The following GRK3 variants were observed in gnomAD, a reference collection of about 807,000 sequenced individuals.
GRK3 encodes adrenergic, beta, receptor kinase 2.
Under a neutral mutation model 95.7 loss-of-function variants are expected in GRK3, and 54 were observed. The observed-to-expected ratio is 0.56, with a 90% CI of 0.45 to 0.71. The LOEUF (loss-of-function observed/expected upper bound fraction) is 0.71. Among genes scored for constraint, GRK3 ranks in the 30% least tolerant of loss-of-function variants. The probability of loss-of-function intolerance (pLI) is 0.00; values close to 1 mark genes in which losing one functional copy is unlikely to be tolerated. For missense variants in GRK3, 649 were observed against 851.2 expected (o/e 0.76, Z 2.96); for synonymous variants, 281 against 290.8 (o/e 0.97, Z 0.34).
intron 2 of GRK3, among the ~76,000 whole-genome samples, chr22:25,633,162 C>A (rs2084676213): frequency 6.6e-6 from 1 of 152,078 alleles, no homozygotes; most frequent in African/African-American, 2.4e-5. Flanking sequence ...AGTGATCCAC[C>A]CGCCTCGGCC....
chr22:25,699,358 G>C (rs2085237715), intron 13 of GRK3, among the ~76,000 whole-genome samples: 1 of 152,120 alleles, frequency 6.6e-6, no homozygotes, highest in South Asian at 2.1e-4. Context: ...CTTGGGCACA[G>C]TCCCCTCTGC....
chr22:25,666,947 G>A (rs187511984), intron 5 of GRK3, among the ~76,000 whole-genome samples: 3 of 152,274 alleles, frequency 2.0e-5, no homozygotes, highest in African/African-American at 7.2e-5. Context: ...GAAAAGGAAA[G>A]CTGATGCTGT....
At chr22:25,716,407 C>G (rs2085385486) in intron 18 of GRK3, among the ~76,000 whole-genome samples, 1 of 152,154 alleles carries the variant, frequency 6.6e-6, no homozygotes, top group African/African-American at 2.4e-5. Flanking sequence ...CATGGTGTCA[C>G]TAGAATCCTG....
At chr22:25,705,283 C>A (rs1022130367) in intron 15 of GRK3, among the ~76,000 whole-genome samples, 6 of 152,132 alleles carry the variant, frequency 3.9e-5, no homozygotes, top group Non-Finnish European at 7.3e-5. Flanking sequence ...CTTTAAATTC[C>A]ATGCTTAACC....
At chr22:25,679,433 G>C (rs1371679529) in intron 9 of GRK3, among the ~76,000 whole-genome samples, 1 of 152,054 alleles carries the variant, frequency 6.6e-6, no homozygotes, top group Non-Finnish European at 1.5e-5. Context: ...TCCATTTCTA[G>C]CACCATATTT....
At chr22:25,670,752 T>C (rs1601515160) in intron 6 of GRK3, among the ~76,000 whole-genome samples, 1 of 151,768 alleles carries the variant, frequency 6.6e-6, no homozygotes. Context: ...CTTTTGAAAA[T>C]AGTTTAAAAA....
intron 15 of GRK3, among the ~76,000 whole-genome samples, chr22:25,708,278 G>T (rs529660083): frequency 1.3e-5 from 2 of 152,226 alleles, no homozygotes; most frequent in East Asian, 3.9e-4. Context: ...AGGATGGGAG[G>T]TGGTAGGAAG....
chr22:25,595,520 A>G (rs537821954), intron 1 of GRK3, among the ~76,000 whole-genome samples: 29 of 152,380 alleles, frequency 1.9e-4, no homozygotes, highest in African/African-American at 6.7e-4. Flanking sequence ...TATTAAAAAT[A>G]CAAATAGGGA....
In GRK3 at chr22:25,727,425, C is replaced by G. The variant is rs900976606; in HGVS notation, c.*4975C>G. 2.0e-5 allele frequency: 3 copies of G among 152,300 alleles called. No individual in the cohort carries two copies. Among genetic ancestry groups the G allele is most frequent in the African/African-American group, 7.2e-5 (3 of 41,564 alleles). 9.4% of individuals were successfully genotyped at this position (152,300 alleles called of 1,614,324 possible). The stretch of plus-strand genomic sequence containing the variant: ...AAGGACTAAGATAGTTGTTTTATTT[C>G]AGCCGAATCACAGAGATAACCACTC... On this transcript the variant is annotated 3_prime_UTR_variant, in exon 21 of 21. Transcript: ENST00000324198.
intron 5 of GRK3, among the ~76,000 whole-genome samples, chr22:25,666,170 C>T (rs1160487373): frequency 6.6e-6 from 1 of 152,160 alleles, no homozygotes; most frequent in Non-Finnish European, 1.5e-5. Context: ...GTAGATTCTA[C>T]GTAGTCTTAG....
chr22:25,688,278 TGTC>T (rs1249813611), intron 11 of GRK3, among the ~76,000 whole-genome samples: 1 of 149,952 alleles, frequency 6.7e-6, no homozygotes, highest in Non-Finnish European at 1.5e-5. Context: ...GCCCTTTTGG[TGTC>T]ACCCATTTCA....
chr22:25,614,252 C>T (rs533018836), intron 2 of GRK3, among the ~76,000 whole-genome samples: 218 of 152,266 alleles, frequency 1.4e-3, no homozygotes, highest in Non-Finnish European at 2.6e-3. Flanking sequence ...CTCAGCCTCC[C>T]GAGTAGCTAG....
intron 2 of GRK3, among the ~76,000 whole-genome samples, chr22:25,627,924 A>G (rs2084639399): frequency 6.6e-6 from 1 of 152,226 alleles, no homozygotes; most frequent in Non-Finnish European, 1.5e-5. Context: ...TGAGAGGTGG[A>G]CATACAGAGG....
At chr22:25,571,233 A>T (rs1346535535) in intron 1 of GRK3, among the ~76,000 whole-genome samples, 1 of 152,222 alleles carries the variant, frequency 6.6e-6, no homozygotes, top group Non-Finnish European at 1.5e-5. Flanking sequence ...CCAAACTGTC[A>T]TAGAAGAGAA....
chr22:25,579,425 C>T (rs1601447924), intron 1 of GRK3, among the ~76,000 whole-genome samples: 2 of 152,010 alleles, frequency 1.3e-5, no homozygotes, highest in East Asian at 3.9e-4. Flanking sequence ...GGATTGCAGG[C>T]TTGAGCCTCT....
At chr22:25,609,366 C>G (rs1415231533) in intron 2 of GRK3, among the ~76,000 whole-genome samples, 5 of 151,340 alleles carry the variant, frequency 3.3e-5, no homozygotes, top group Middle Eastern at 3.4e-3. Flanking sequence ...CAGTCTTGCC[C>G]TGTTGCCCAG....
intron 2 of GRK3, among the ~76,000 whole-genome samples, chr22:25,629,923 G>A (rs2084653161): frequency 6.6e-6 from 1 of 152,134 alleles, no homozygotes; most frequent in African/African-American, 2.4e-5. Flanking sequence ...CTTAATACAA[G>A]ACAAGTAAGT....
At chr22:25,606,523 C>T (rs949818589) in intron 2 of GRK3, among the ~76,000 whole-genome samples, 2 of 152,168 alleles carry the variant, frequency 1.3e-5, no homozygotes, top group African/African-American at 4.8e-5. Context: ...CTTCCTTTTC[C>T]AGGTTCCGTT....
chr22:25,705,237 C>T (rs62226224), intron 15 of GRK3, among the ~76,000 whole-genome samples: 7,839 of 152,178 alleles, frequency 0.052, 271 homozygotes, highest in Non-Finnish European at 0.078. Context: ...AAAGTTGAAA[C>T]GCTATTTTGA....
Sources: gnomAD v4.1 joint callset for allele counts (sites outside exome capture counted in the v4.1 genomes callset) on GRCh38, gnomAD v4.1.1 for gene constraint, MANE v1.5 for transcripts, NCBI Gene and HGNC (gene_info 2026-07-23, HGNC 2026-07-21) for gene names.